Variants in MAP2K6 observed in about 807,000 individuals in gnomAD.
The protein encoded by MAP2K6 is dual specificity mitogen-activated protein kinase kinase 6.
Under a neutral mutation model 53.7 loss-of-function variants are expected in MAP2K6, and 16 were observed. The ratio of observed to expected loss-of-function variants is 0.30; its 90% CI spans 0.20 to 0.45. The LOEUF is 0.45. MAP2K6 is among the 20% of genes least tolerant of loss of function. The probability of loss-of-function intolerance (pLI) is 1.00; values close to 1 mark genes in which losing one functional copy is unlikely to be tolerated. For missense variants in MAP2K6, 204 were observed against 411.9 expected (o/e 0.50, Z 4.37); for synonymous variants, 132 against 143.1 (o/e 0.92, Z 0.55).
chr17:69,477,966 G>T (rs1908210577), intron 1 of MAP2K6, among the ~76,000 whole-genome samples: 1 of 152,202 alleles, frequency 6.6e-6, no homozygotes, highest in Admixed American at 6.5e-5. Flanking sequence ...CATAAACAGA[G>T]AGTGGTGTGC....
intron 1 of MAP2K6, among the ~76,000 whole-genome samples, chr17:69,465,908 T>G (rs934393392): frequency 1.3e-5 from 2 of 149,608 alleles, no homozygotes; most frequent in African/African-American, 4.9e-5. Flanking sequence ...CATGAGCCAC[T>G]GCACCCAGCC....
intron 11 of MAP2K6, among the ~76,000 whole-genome samples, chr17:69,540,540 G>T (rs1313997835): frequency 6.6e-6 from 1 of 152,190 alleles, no homozygotes; most frequent in Admixed American, 6.5e-5. Flanking sequence ...TAACAAAATT[G>T]AGCAATCTGG....
At chr17:69,461,238 ACTTTC>A (rs1297758059) in intron 1 of MAP2K6, among the ~76,000 whole-genome samples, 1 of 152,006 alleles carries the variant, frequency 6.6e-6, no homozygotes, top group East Asian at 1.9e-4. Context: ...AACTCTCATG[ACTTTC>A]CTTAATCTCT....
chr17:69,495,701 T>G (rs1908921459), intron 1 of MAP2K6, among the ~76,000 whole-genome samples: 1 of 151,916 alleles, frequency 6.6e-6, no homozygotes, highest in African/African-American at 2.4e-5. Context: ...TAATATCATT[T>G]CACTCGTAAA....
At position 69,494,412 on chromosome 17, in the gene MAP2K6, C is replaced by T. The variant is rs542768326; in HGVS notation, c.17-11368C>T. Among the ~76,000 whole-genome samples the T allele has an allele frequency of 6.6e-6, 1 of 151,814 alleles. No homozygotes were observed. Among genetic ancestry groups the T allele is most frequent in the Admixed American group, 6.6e-5 (1 of 15,260 alleles). ...ACTTGGGAGGCTGGGGCATGAAAAT[C>T]GCTTGTACCCAGGAGGCAGAGGTTG... is the stretch of plus-strand genomic sequence containing the variant. On this transcript the variant is annotated intron_variant, in intron 1 of 11. Coordinates refer to ENST00000590474, the MANE Select transcript of MAP2K6 (RefSeq NM_002758.4). This position sits in a 1 kb window ranked among gnomAD's most constrained non-coding sequence, Gnocchi z 4.2.
chr17:69,523,691 C>A, intron 8 of MAP2K6, 50 bp downstream of exon 8: 1 of 1,598,406 alleles, frequency 6.3e-7, no homozygotes, highest in South Asian at 1.1e-5. Flanking sequence ...GCCGACAAAT[C>A]ATGCTGGGAA....
At chr17:69,453,173 G>C (rs1238035740) in intron 1 of MAP2K6, among the ~76,000 whole-genome samples, 3 of 152,208 alleles carry the variant, frequency 2.0e-5, no homozygotes, top group African/African-American at 7.2e-5. Context: ...GAATAAAAGG[G>C]AGATGCATTA....
chr17:69,523,474 C>T (rs1910594482), intron 7 of MAP2K6, 40 bp from the exon 8 acceptor site: 1 of 1,607,174 alleles, frequency 6.2e-7, no homozygotes, highest in Non-Finnish European at 8.5e-7. Flanking sequence ...ACCTTGAAAG[C>T]AGGCTGAAAT....
intron 3 of MAP2K6, among the ~76,000 whole-genome samples, 159 bp from the exon 4 acceptor site, chr17:69,517,341 G>A (rs543086234): frequency 6.6e-6 from 1 of 152,076 alleles, no homozygotes; most frequent in Non-Finnish European, 1.5e-5. Context: ...GGCCCTTCTT[G>A]TAGCTTCTTG....
chr17:69,500,687 C>T (rs953434004), intron 1 of MAP2K6, among the ~76,000 whole-genome samples: 3 of 149,480 alleles, frequency 2.0e-5, no homozygotes, highest in Non-Finnish European at 3.0e-5. Flanking sequence ...AGCCGGGAGG[C>T]GGAGGTTGCA....
chr17:69,541,602 C>G (rs1358331249), intron 11 of MAP2K6, 74 bp from the exon 12 acceptor site: 2 of 1,129,512 alleles, frequency 1.8e-6, no homozygotes, highest in Non-Finnish European at 2.6e-6. Context: ...CCAAGCAGAT[C>G]TATTCATTTG....
chr17:69,518,042 T>C (rs1160731943), intron 4 of MAP2K6, among the ~76,000 whole-genome samples: 1 of 152,000 alleles, frequency 6.6e-6, no homozygotes, highest in Non-Finnish European at 1.5e-5. Flanking sequence ...TACAAAAAAT[T>C]AGCCAGGCAT....
intron 1 of MAP2K6, among the ~76,000 whole-genome samples, chr17:69,416,298 TA>T (rs146730023): frequency 0.012 from 1,786 of 152,286 alleles, 28 homozygotes; most frequent in African/African-American, 0.04. Flanking sequence ...GCATTCAAAG[TA>T]GCACTCTGCT....
rs1267201205 is a variant in MAP2K6, at chr17:69,523,618, G to A, written c.640G>A (p.Ala214Thr). The change falls in exon 8 of 12, where the codon GCA becomes ACA. Residue 214 changes from alanine to threonine, a missense_variant. Ala to Thr is a moderately conservative substitution (Grantham distance 58). Coordinates refer to ENST00000590474, the MANE Select transcript of MAP2K6 (RefSeq NM_002758.4). Reference protein sequence around the residue: ...LVDSVAKTIDAGCKPYMAPER... With the variant: ...LVDSVAKTIDTGCKPYMAPER... ...GGACTCTGTTGCTAAAACAATTGAT[G>A]CAGGTTGCAAACCATACATGGCCGT... 1 of 1,614,058 alleles carries A rather than the reference G, an allele frequency of 6.2e-7. No individual in the cohort carries two copies.
At position 69,523,419 on chromosome 17, in the gene MAP2K6, G is replaced by A. The variant is rs896090177; in HGVS notation, c.536-95G>A. ...TTGGGCAGCTTGGGGAAAGGAAGAT[G>A]AAGGACAAATGGAGATTTTAGGCCC... On this transcript the variant is annotated intron_variant, in intron 7 of 11. Coordinates refer to ENST00000590474, the MANE Select transcript of MAP2K6 (RefSeq NM_002758.4). 3 of 1,523,948 alleles carry A rather than the reference G, an allele frequency of 2.0e-6. No homozygotes were observed. The African/African-American group carries it at 4.1e-5, about 21-fold the overall frequency. The allele number at this position is 1,523,948 out of a possible 1,614,324, so 94.4% of individuals were successfully genotyped here. A position where few individuals can be genotyped will look rare whatever the true frequency, so the allele number is the denominator to read the frequency against.
At chr17:69,514,982 A>T (rs1910065339) in intron 2 of MAP2K6, among the ~76,000 whole-genome samples, 1 of 152,006 alleles carries the variant, frequency 6.6e-6, no homozygotes, top group African/African-American at 2.4e-5. Flanking sequence ...TCTCACTTTC[A>T]TCTTTCCATT....
At chr17:69,540,629 C>G (rs1911568961) in intron 11 of MAP2K6, among the ~76,000 whole-genome samples, 1 of 152,182 alleles carries the variant, frequency 6.6e-6, no homozygotes, top group Non-Finnish European at 1.5e-5. Context: ...AATCACATAC[C>G]ATGCTTGTTC....
At chr17:69,462,768 A>G (rs1907662300) in intron 1 of MAP2K6, among the ~76,000 whole-genome samples, 1 of 151,974 alleles carries the variant, frequency 6.6e-6, no homozygotes, top group Admixed American at 6.6e-5. Context: ...CCTTGCCCTT[A>G]GAATGCCCTT....
At chr17:69,524,543 G>A (rs559452584) in intron 8 of MAP2K6, among the ~76,000 whole-genome samples, 2 of 152,072 alleles carry the variant, frequency 1.3e-5, no homozygotes, top group East Asian at 3.9e-4. Context: ...CAGTAGCCCA[G>A]TGACACTTGT....
Sources: gnomAD v4.1 joint callset for allele counts (sites outside exome capture counted in the v4.1 genomes callset) on GRCh38, gnomAD v4.1.1 for gene constraint, Gnocchi (gnomAD v3.1) non-coding constraint, MANE v1.5 for transcripts, NCBI Gene and HGNC (gene_info 2026-07-23, HGNC 2026-07-21) for gene names.